The following SPINK4 variants were observed in gnomAD, a reference collection of about 807,000 sequenced individuals.
The protein encoded by SPINK4 is serine peptidase inhibitor Kazal type 4.
In SPINK4, 10 loss-of-function variants were observed where a neutral mutation model predicts 12.3. That is an observed-to-expected ratio of 0.81 (90% confidence interval 0.50 to 1.37). The LOEUF (loss-of-function observed/expected upper bound fraction) is 1.37, where lower values mean the gene tolerates loss of function less well. Ranked by LOEUF, SPINK4 falls within the 40% of genes most tolerant of loss-of-function variation. The pLI, the probability that SPINK4 is intolerant of heterozygous loss-of-function variation, is 0.00. For missense variants in SPINK4, 91 were observed against 109.0 expected, an observed-to-expected ratio of 0.84 and a Z score of 0.73; for synonymous variants, 37 against 40.2, an observed-to-expected ratio of 0.92 and a Z score of 0.30.
chr9:33,241,742 G>C (rs1820236734), intron 1 of SPINK4, among the ~76,000 whole-genome samples: 1 of 152,132 alleles, frequency 6.6e-6, no homozygotes, highest in Non-Finnish European at 1.5e-5. Flanking sequence ...GAGTGAGGAG[G>C]GGGCATTTTG....
At chr9:33,246,581 A>G (rs1820287760) in intron 2 of SPINK4, 35 bp from the exon 3 acceptor site, 1 of 1,586,154 alleles carries the variant, frequency 6.3e-7, no homozygotes. Flanking sequence ...CTGCCTCTGA[A>G]TCCCTGAGTC....
chr9:33,241,238 G>A (rs1820231710), intron 1 of SPINK4, among the ~76,000 whole-genome samples: 1 of 152,152 alleles, frequency 6.6e-6, no homozygotes, highest in Non-Finnish European at 1.5e-5. Flanking sequence ...TGTACGGAGT[G>A]ATAGGAGAGG....
intron 2 of SPINK4, among the ~76,000 whole-genome samples, chr9:33,245,593 C>T (rs1201858140): frequency 1.3e-5 from 2 of 152,182 alleles, no homozygotes; most frequent in African/African-American, 4.8e-5. Context: ...CAAGTTGTCC[C>T]CGAATCCTGA....
In SPINK4 at chr9:33,242,058, T is replaced by G. The variant is rs139415116; in HGVS notation, c.61+1789T>G. Among the ~76,000 whole-genome samples, 926 of 152,270 alleles carry G rather than the reference T, an allele frequency of 6.1e-3. 16 individuals are homozygous for G. Among genetic ancestry groups the G allele is most frequent in the African/African-American group, 0.021 (858 of 41,550 alleles). On this transcript the variant is annotated intron_variant, in intron 1 of 3. Coordinates refer to ENST00000379721, the MANE Select transcript of SPINK4 (RefSeq NM_014471.3). ...CCACACCCAACTAATTTTTGTATTT[T>G]TAGTAGAGACGGAGTTTCACCATGT...
At chr9:33,248,207 G>A in intron 3 of SPINK4, 3 of 567,408 alleles carry the variant, frequency 5.3e-6, no homozygotes. Flanking sequence ...CGCTGGTGGT[G>A]GAAACCCCAG....
At chr9:33,243,064 A>G (rs1820252987) in intron 1 of SPINK4, among the ~76,000 whole-genome samples, 1 of 151,520 alleles carries the variant, frequency 6.6e-6, no homozygotes, top group African/African-American at 2.4e-5. Context: ...TTTTAAATTT[A>G]TTTTTATTTA....
At chr9:33,246,819 T>A in intron 3 of SPINK4, 91 bp downstream of exon 3, 1 of 1,085,878 alleles carries the variant, frequency 9.2e-7, no homozygotes, top group Non-Finnish European at 1.4e-6. Context: ...GCTTCTTCCT[T>A]CATACACGCT....
Position 33,240,250 on chromosome 9 carries a change from C to T in SPINK4, c.42C>T (p.Ala14=), listed in dbSNP as rs780016926. The T allele has an allele frequency of 2.6e-5, 42 of 1,605,464 alleles. 1 individual carries two copies. In the South Asian group the frequency reaches 4.4e-4, roughly 17 times the overall value. Residue 14 remains alanine, a synonymous_variant, in exon 1 of 4, where the codon GCC becomes GCT. Coordinates refer to ENST00000379721, the MANE Select transcript of SPINK4 (RefSeq NM_014471.3). ...RQWVIALALA[A]LLVVDREVPV... ...GGGTAATCGCCCTGGCCTTGGCTGC[C>T]CTCCTTGTTGTGGACAGGGGTGAGT...
rs1310963689 is a variant in SPINK4, at chr9:33,246,620, T to G, written c.107T>G (p.Ile36Ser). ...TCCCTCCCTTCTCTTCCACAGCCCATCTGTGAACACATGGTAGAGTCTCCA... is the reference window on the plus strand; with the variant it reads ...TCCCTCCCTTCTCTTCCACAGCCCAGCTGTGAACACATGGTAGAGTCTCCA... ...AGKLPFSRMP[I>S]CEHMVESPTC... Residue 36 changes from isoleucine to serine, a missense_variant, in exon 3 of 4, where the codon ATC (isoleucine) becomes AGC (serine). Ile to Ser is a moderately radical substitution (Grantham distance 142). Transcript: ENST00000379721. The G allele has an allele frequency of 1.9e-6, 3 of 1,613,336 alleles. No individual in the cohort carries two copies. In the African/African-American group the frequency reaches 4.0e-5, roughly 22 times the overall value.
intron 2 of SPINK4, among the ~76,000 whole-genome samples, chr9:33,245,498 C>A (rs1478491409): frequency 3.9e-5 from 6 of 152,194 alleles, no homozygotes; most frequent in African/African-American, 1.4e-4. Context: ...AGAGTTCAGG[C>A]CAAAGAGGGG....
chr9:33,246,665 A>G lies in SPINK4; in HGVS notation c.152A>G (p.Asn51Ser). ...VESPTCSQMS[N>S]LVCGTDGLTY... ...TCTCCAACCTGTTCCCAGATGTCCA[A>G]CCTGGTCTGCGGCACTGATGGGCTC... is the stretch of plus-strand genomic sequence containing the variant. The change falls in exon 3 of 4, where the codon AAC (asparagine) becomes AGC (serine). Residue 51 changes from asparagine to serine, a missense_variant. Transcript: ENST00000379721. 1.9e-6 allele frequency: 3 copies of G among 1,613,960 alleles called. No individual in the cohort carries two copies. Among genetic ancestry groups the G allele is most frequent in the Admixed American group, 1.7e-5 (1 of 59,994 alleles).
intron 3 of SPINK4, among the ~76,000 whole-genome samples, chr9:33,247,244 C>T (rs779744818): frequency 2.0e-5 from 3 of 150,776 alleles, no homozygotes; most frequent in Non-Finnish European, 2.9e-5. Context: ...TTGCAACCTC[C>T]GCCTCCTGGG....
intron 1 of SPINK4, among the ~76,000 whole-genome samples, chr9:33,240,616 G>A (rs1021052857): frequency 3.3e-5 from 5 of 152,222 alleles, no homozygotes; most frequent in African/African-American, 9.7e-5. Context: ...GCTCTCAGGA[G>A]AGACTGACAA....
rs1334376580 is a variant in SPINK4, at chr9:33,246,545, G to A, written c.103-71G>A. On this transcript the variant is annotated intron_variant, in intron 2 of 3. Coordinates refer to ENST00000379721, the MANE Select transcript of SPINK4 (RefSeq NM_014471.3). ...ACCTCACTGGGGCCCCACTGGTTCC[G>A]AGCAGAACCCCTGTATCCCTCCCCA... is the stretch of plus-strand genomic sequence containing the variant. The A allele has an allele frequency of 1.6e-5, 22 of 1,395,660 alleles. No individual in the cohort carries two copies. In the East Asian group the frequency reaches 1.6e-4, roughly 10 times the overall value. The allele number at this position is 1,395,660 out of a possible 1,614,324, so 86.5% of individuals were successfully genotyped here.
chr9:33,243,911 T>C (rs1204682270), intron 1 of SPINK4, among the ~76,000 whole-genome samples: 1 of 152,154 alleles, frequency 6.6e-6, no homozygotes, highest in Non-Finnish European at 1.5e-5. Flanking sequence ...AACTCACTAC[T>C]TCTGGAGAAA....
At chr9:33,243,706 T>G (rs1043923231) in intron 1 of SPINK4, among the ~76,000 whole-genome samples, 6 of 152,272 alleles carry the variant, frequency 3.9e-5, no homozygotes, top group African/African-American at 1.2e-4. Context: ...GTTTGGGCAA[T>G]TTGACATGGA....
At chr9:33,242,797 A>C (rs1820250253) in intron 1 of SPINK4, among the ~76,000 whole-genome samples, 1 of 152,106 alleles carries the variant, frequency 6.6e-6, no homozygotes, top group Admixed American at 6.5e-5. Context: ...AGGGAAGAAA[A>C]ATAAATACAG....
At chr9:33,242,982 C>A (rs922762812) in intron 1 of SPINK4, among the ~76,000 whole-genome samples, 1 of 151,858 alleles carries the variant, frequency 6.6e-6, no homozygotes, top group Non-Finnish European at 1.5e-5. Flanking sequence ...TTCAAACGAT[C>A]CTCCTATCTC....
At chr9:33,246,419 C>T (rs1424778068) in intron 2 of SPINK4, among the ~76,000 whole-genome samples, 197 bp from the exon 3 acceptor site, 3 of 152,188 alleles carry the variant, frequency 2.0e-5, no homozygotes, top group Non-Finnish European at 2.9e-5. Flanking sequence ...TAGGCACACA[C>T]GTGGTCATGC....
Sources: gnomAD v4.1 joint callset for allele counts (sites outside exome capture counted in the v4.1 genomes callset) on GRCh38, gnomAD v4.1.1 for gene constraint, MANE v1.5 for transcripts, NCBI Gene and HGNC (gene_info 2026-07-23, HGNC 2026-07-21) for gene names.